The following PARD6B variants were observed in gnomAD, a reference collection of about 807,000 sequenced individuals.
The protein encoded by PARD6B is par-6 family cell polarity regulator beta.
A neutral mutation model predicts 10.5 loss-of-function variants in PARD6B; 4 were observed. The ratio of observed to expected loss-of-function variants is 0.38; its 90% CI spans 0.19 to 0.87. The LOEUF (loss-of-function observed/expected upper bound fraction) is 0.87, where lower values mean the gene tolerates loss of function less well. PARD6B is among the 40% of genes least tolerant of loss of function. The pLI, the probability that PARD6B is intolerant of heterozygous loss-of-function variation, is 0.41. For missense variants in PARD6B, 396 were observed against 470.6 expected (o/e 0.84, Z 1.47); for synonymous variants, 169 against 170.4 (o/e 0.99, Z 0.07).
intron 2 of PARD6B, among the ~76,000 whole-genome samples, chr20:50,743,478 C>T (rs2087542325): frequency 6.6e-6 from 1 of 152,098 alleles, no homozygotes; most frequent in Admixed American, 6.5e-5. Context: ...AGATTTTGTG[C>T]ATTGGACATT....
chr20:50,731,886 C>T, intron 1 of PARD6B, 34 bp downstream of exon 1: 2 of 1,389,872 alleles, frequency 1.4e-6, no homozygotes, highest in East Asian at 3.1e-5. Context: ...GAGCGGCGGG[C>T]CTGGGGGGCC....
chr20:50,743,329 T>C (rs1437714975), intron 2 of PARD6B, among the ~76,000 whole-genome samples: 1 of 152,222 alleles, frequency 6.6e-6, no homozygotes, highest in Non-Finnish European at 1.5e-5. Flanking sequence ...CACATATGTT[T>C]ACCTCTTCGA....
intron 2 of PARD6B, among the ~76,000 whole-genome samples, chr20:50,743,348 C>T (rs1405099424): frequency 1.3e-5 from 2 of 152,140 alleles, no homozygotes; most frequent in African/African-American, 4.8e-5. Flanking sequence ...GATTTATTCT[C>T]GTTTTATTAG....
intron 2 of PARD6B, among the ~76,000 whole-genome samples, chr20:50,748,511 C>T (rs2087581753): frequency 6.6e-6 from 1 of 152,224 alleles, no homozygotes; most frequent in South Asian, 2.1e-4. Flanking sequence ...AAATATCCCA[C>T]TTCAAGTATT....
rs909234919 is a variant in PARD6B at position 50,751,625 on chromosome 20, C to T, written c.*1137C>T. 3 of 984,800 alleles carry T rather than the reference C, an allele frequency of 3.0e-6. No individual in the cohort carries two copies. The highest frequency in any genetic ancestry group is 3.6e-6 in the Non-Finnish European group (3 of 829,890). The allele number at this position is 984,800 out of a possible 1,614,324, so 61.0% of individuals were successfully genotyped here. A position where few individuals can be genotyped will look rare whatever the true frequency, so the allele number is the denominator to read the frequency against. ...CCTCCCAAAGTGCTGGGATTACAGG[C>T]GTGAGCCACCGCGCCCAGTTGTGCA... is the stretch of plus-strand genomic sequence containing the variant. On this transcript the variant is annotated 3_prime_UTR_variant, in exon 3 of 3. Transcript: ENST00000371610.
chr20:50,750,970 T>A lies in PARD6B; in HGVS notation c.*482T>A. On this transcript the variant is annotated 3_prime_UTR_variant, in exon 3 of 3. Coordinates refer to ENST00000371610, the MANE Select transcript of PARD6B (RefSeq NM_032521.3). Reference sequence around the variant, plus strand: ...TTTATTTTGATTTTTTTTTTTTTTTTTTTTTTTTTTTTTTTTAGTGACTGG... The same window carrying A: ...TTTATTTTGATTTTTTTTTTTTTTTATTTTTTTTTTTTTTTTAGTGACTGG... The A allele has an allele frequency of 3.1e-6, 2 of 643,454 alleles. No homozygotes were observed. Among genetic ancestry groups the A allele is most frequent in the Non-Finnish European group, 1.9e-6 (1 of 529,310 alleles). The allele number at this position is 643,454 out of a possible 1,614,324, so 39.9% of individuals were successfully genotyped here. A position where few individuals can be genotyped will look rare whatever the true frequency, so the allele number is the denominator to read the frequency against.
chr20:50,749,408 A>C (rs1047044463), intron 2 of PARD6B, among the ~76,000 whole-genome samples: 1 of 152,248 alleles, frequency 6.6e-6, no homozygotes, highest in South Asian at 2.1e-4. Flanking sequence ...TTAAAAGTGA[A>C]TGAGCTCTAT....
At position 50,753,387 on chromosome 20, in the gene PARD6B, G is replaced by C; in HGVS notation, c.*2899G>C. On this transcript the variant is annotated 3_prime_UTR_variant, in exon 3 of 3. Transcript: ENST00000371610. ...TGGTAGGCTGAATCAATTATTTCAAGTGCACCTTATTAACAAAAGTATCAG... is the reference window on the plus strand; with the variant it reads ...TGGTAGGCTGAATCAATTATTTCAACTGCACCTTATTAACAAAAGTATCAG... The C allele has an allele frequency of 1.0e-6, 1 of 984,918 alleles. No individual in the cohort carries two copies. Among genetic ancestry groups the C allele is most frequent in the Non-Finnish European group, 1.2e-6 (1 of 829,164 alleles). The allele number at this position is 984,918 out of a possible 1,614,324, so 61.0% of individuals were successfully genotyped here. A position where few individuals can be genotyped will look rare whatever the true frequency, so the allele number is the denominator to read the frequency against.
intron 2 of PARD6B, among the ~76,000 whole-genome samples, chr20:50,747,516 TAGCCACTGGAAAACCAGGGAG>T (rs1320182030): frequency 7.8e-6 from 1 of 127,902 alleles, no homozygotes; most frequent in African/African-American, 2.8e-5. Flanking sequence ...TTTTTTTGCC[TAGCCACTGGAAAACCAGGGAG>T]AGGCATTATT....
At position 50,751,300 on chromosome 20, in the gene PARD6B, T is replaced by G. The variant is rs928469887; in HGVS notation, c.*812T>G. On this transcript the variant is annotated 3_prime_UTR_variant, in exon 3 of 3. Coordinates refer to ENST00000371610, the MANE Select transcript of PARD6B (RefSeq NM_032521.3). ...TTTTTTATGTTCCTTTCTAATAAAT[T>G]GTAACAAATGATGTTCTCAAGTACA... The G allele has an allele frequency of 1.0e-6, 1 of 964,132 alleles. No individual in the cohort carries two copies. The highest frequency in any genetic ancestry group is 1.8e-5 in the African/African-American group (1 of 56,398). 59.7% of individuals were successfully genotyped at this position (964,132 alleles called of 1,614,324 possible). A position where few individuals can be genotyped will look rare whatever the true frequency, so the allele number is the denominator to read the frequency against.
Position 50,752,843 on chromosome 20 carries a change from A to C in PARD6B, c.*2355A>C, listed in dbSNP as rs2087621557. 1 of 979,416 alleles carries C rather than the reference A, an allele frequency of 1.0e-6. No homozygotes were observed. The highest frequency in any genetic ancestry group is 1.8e-5 in the African/African-American group (1 of 57,054). The allele number at this position is 979,416 out of a possible 1,614,324, so 60.7% of individuals were successfully genotyped here. The stretch of plus-strand genomic sequence containing the variant: ...CTAAGCATATTATCAGTAAACTATT[A>C]ACTGACTGCACATTATGTAATACGT... On this transcript the variant is annotated 3_prime_UTR_variant, in exon 3 of 3. Transcript: ENST00000371610.
intron 2 of PARD6B, among the ~76,000 whole-genome samples, chr20:50,738,488 G>C (rs1313071802): frequency 6.6e-6 from 1 of 152,238 alleles, no homozygotes; most frequent in Admixed American, 6.5e-5. Context: ...TTCAAAGGCT[G>C]TATTTACCAG....
intron 1 of PARD6B, among the ~76,000 whole-genome samples, chr20:50,733,836 G>T (rs1600813591): frequency 6.6e-6 from 1 of 152,132 alleles, no homozygotes; most frequent in Non-Finnish European, 1.5e-5. Flanking sequence ...AAAAAAATGA[G>T]TAGGAATTCT....
At chr20:50,733,515 T>C (rs1446123536) in intron 1 of PARD6B, among the ~76,000 whole-genome samples, 1 of 152,186 alleles carries the variant, frequency 6.6e-6, no homozygotes, top group African/African-American at 2.4e-5. Flanking sequence ...GACGTGTAGT[T>C]ACAGCAATTT....
intron 2 of PARD6B, among the ~76,000 whole-genome samples, chr20:50,745,496 T>C (rs1223043091): frequency 1.3e-5 from 2 of 152,134 alleles, no homozygotes; most frequent in African/African-American, 4.8e-5. Flanking sequence ...GCCTGTTGGC[T>C]GCTTTTGCAT....
intron 2 of PARD6B, among the ~76,000 whole-genome samples, chr20:50,738,467 G>A (rs1321511772): frequency 6.6e-6 from 1 of 152,126 alleles, no homozygotes; most frequent in African/African-American, 2.4e-5. Flanking sequence ...GTTTTTTGGT[G>A]GCAACCAACT....
chr20:50,748,895 C>T (rs747039809), intron 2 of PARD6B, among the ~76,000 whole-genome samples: 10 of 151,940 alleles, frequency 6.6e-5, no homozygotes, highest in Admixed American at 5.3e-4. Context: ...GTTTTAAGGC[C>T]GGACACAGTA....
rs765596735 is a variant in PARD6B at position 50,739,057 on chromosome 20, T to TGTAA, written c.289+979_289+982dup. 1.7e-4 allele frequency among the ~76,000 whole-genome samples: 26 copies of TGTAA among 151,842 alleles called. No individual in the cohort carries two copies. In the East Asian group the frequency reaches 2.3e-3, roughly 14 times the overall value. ...ATGTACCATTTTTTCCTTTCTCAATTGTAAATGAAGTGGTTTGGGAAGCCA... is the reference window on the plus strand; with the variant it reads ...ATGTACCATTTTTTCCTTTCTCAATTGTAAGTAAATGAAGTGGTTTGGGAAGCCA... On this transcript the variant is annotated intron_variant, in intron 2 of 2. Coordinates refer to ENST00000371610, the MANE Select transcript of PARD6B (RefSeq NM_032521.3).
Position 50,752,543 on chromosome 20 carries a change from C to T in PARD6B, c.*2055C>T. On this transcript the variant is annotated 3_prime_UTR_variant, in exon 3 of 3. Transcript: ENST00000371610. Reference sequence around the variant, plus strand: ...TTGCCTGATTTTATTGTACAGTGTGCACAAGCACAATGGTATGCTTGTATA... The same window carrying T: ...TTGCCTGATTTTATTGTACAGTGTGTACAAGCACAATGGTATGCTTGTATA... 3 of 985,028 alleles carry T rather than the reference C, an allele frequency of 3.0e-6. No homozygotes were observed. The highest frequency in any genetic ancestry group is 3.6e-6 in the Non-Finnish European group (3 of 829,448). 61.0% of individuals were successfully genotyped at this position (985,028 alleles called of 1,614,324 possible).
Sources: allele counts gnomAD v4.1 joint callset (sites outside exome capture counted in the v4.1 genomes callset), GRCh38; gene constraint gnomAD v4.1.1; transcripts MANE v1.5; gene names NCBI Gene and HGNC (gene_info 2026-07-23, HGNC 2026-07-21).